Variants in ADRA1D observed in about 807,000 individuals in gnomAD.
ADRA1D encodes the protein alpha-1D adrenergic receptor.
In ADRA1D, 22 loss-of-function variants were observed where a neutral mutation model predicts 18.6. That is an observed-to-expected ratio of 1.19 (90% CI 0.85 to 1.69). ADRA1D has a LOEUF of 1.69. ADRA1D is among the 40% of genes most tolerant of loss of function. The pLI is 0.00. For synonymous variants in ADRA1D, 376 were observed against 388.2 expected (o/e 0.97, Z 0.37); for missense variants, 840 against 840.7 (o/e 1.00, Z 0.01).
Position 4,227,767 on chromosome 20 carries a change from CT to C in ADRA1D, c.1112-5638del, listed in dbSNP as rs1292722460. On this transcript the variant is annotated intron_variant, in intron 1 of 1. Transcript: ENST00000379453. ...CCTTCCTTCTTCTCTCTCTCTCTTT[CT>C]TCTCTTTCTTTCTTTTTTTTTGACA... Among the ~76,000 whole-genome samples the C allele has an allele frequency of 2.6e-3, 345 of 131,962 alleles. 5 individuals are homozygous for C. Among genetic ancestry groups the C allele is most frequent in the African/African-American group, 9.4e-3 (322 of 34,120 alleles). The allele number at this position is 131,962 out of a possible 152,430, so 86.6% of individuals were successfully genotyped here.
intron 1 of ADRA1D, among the ~76,000 whole-genome samples, chr20:4,228,203 T>A (rs1457319586): frequency 6.6e-6 from 1 of 152,154 alleles, no homozygotes; most frequent in Non-Finnish European, 1.5e-5. Context: ...TCCTTCTGGA[T>A]GTAGGGAGAC....
intron 1 of ADRA1D, among the ~76,000 whole-genome samples, chr20:4,244,797 C>T (rs1201379338): frequency 3.3e-5 from 5 of 152,260 alleles, no homozygotes; most frequent in African/African-American, 4.8e-5. Flanking sequence ...CCAAGCCATA[C>T]TGGGGCAGAT....
At chr20:4,237,911 A>C (rs1981133471) in intron 1 of ADRA1D, among the ~76,000 whole-genome samples, 1 of 148,734 alleles carries the variant, frequency 6.7e-6, no homozygotes. Context: ...CGAAATCCTG[A>C]CCCAAGCCAC....
rs1049284661 is a variant in ADRA1D, at chr20:4,249,070, G to C, written c.-113C>G. The C allele has an allele frequency of 2.2e-5, 19 of 847,168 alleles. No homozygotes were observed. The African/African-American group carries it at 3.5e-4, about 16-fold the overall frequency. 52.5% of individuals were successfully genotyped at this position (847,168 alleles called of 1,614,324 possible). On this transcript the variant is annotated 5_prime_UTR_variant, in exon 1 of 2. Coordinates refer to ENST00000379453, the MANE Select transcript of ADRA1D (RefSeq NM_000678.4). ...AGATGCAGCTCCGCGCACGGGTCCC[G>C]TCGGGGTCCTGCCCAAGTTCCTGTG...
At position 4,248,627 on chromosome 20, in the gene ADRA1D, C is replaced by G. The variant is rs377564644; in HGVS notation, c.331G>C (p.Val111Leu). The G allele has an allele frequency of 1.1e-5, 17 of 1,612,894 alleles. No individual in the cohort carries two copies. Among genetic ancestry groups the G allele is most frequent in the Non-Finnish European group, 1.4e-5 (17 of 1,179,790 alleles). ...AGGATGACAAGCAGGTTACCTGCCACGGCCATAAGGATGAAGGCTGCCAGG... is the reference window on the plus strand; with the variant it reads ...AGGATGACAAGCAGGTTACCTGCCAGGGCCATAAGGATGAAGGCTGCCAGG... ...VFLAAFILMA[V>L]AGNLLVILSV... The change falls in exon 1 of 2, where the codon GTG becomes CTG. Residue 111 changes from valine (V) to leucine (L), a missense_variant. By Grantham distance (32) the Val-to-Leu change is conservative. Coordinates refer to ENST00000379453, the MANE Select transcript of ADRA1D (RefSeq NM_000678.4).
rs764277427 is a variant in ADRA1D at position 4,222,046 on chromosome 20, G to C, written c.1196C>G (p.Pro399Arg). 1 of 1,611,970 alleles carries C rather than the reference G, an allele frequency of 6.2e-7. No homozygotes were observed. Among genetic ancestry groups the C allele is most frequent in the Non-Finnish European group, 8.5e-7 (1 of 1,179,208 alleles). Residue 399 changes from proline (P) to arginine (R), a missense_variant, in exon 2 of 2, where the codon CCG becomes CGG. Pro to Arg is a moderately radical substitution (Grantham distance 103, BLOSUM62 -2). Transcript: ENST00000379453. This position sits in a 1 kb window ranked among gnomAD's most constrained non-coding sequence, Gnocchi z 4.3. ...GCGGCTGGAACAGGGGTAGATGAGCGGGTTCACGCAGCTGTTGAAGTAGCC... is the reference window on the plus strand; with the variant it reads ...GCGGCTGGAACAGGGGTAGATGAGCCGGTTCACGCAGCTGTTGAAGTAGCC... ...WLGYFNSCVN[P>R]LIYPCSSREF...
At position 4,222,038 on chromosome 20, in the gene ADRA1D, AGATGAG is replaced by A; in HGVS notation, c.1198_1203del (p.Leu400_Ile401del). On this transcript the variant is annotated inframe_deletion, in exon 2 of 2. Transcript: ENST00000379453. The surrounding 1 kb of genome is among the most constrained non-coding windows in gnomAD (Gnocchi z 4.3). ...TTGAACTCGCGGCTGGAACAGGGGT[AGATGAG>A]CGGGTTCACGCAGCTGTTGAAGTAG... 1 of 1,611,582 alleles carries A rather than the reference AGATGAG, an allele frequency of 6.2e-7. No homozygotes were observed.
In ADRA1D at chr20:4,221,924, C is replaced by A; in HGVS notation, c.1318G>T (p.Ala440Ser). 1 of 1,530,918 alleles carries A rather than the reference C, an allele frequency of 6.5e-7. No individual in the cohort carries two copies. The highest frequency in any genetic ancestry group is 8.8e-7 in the Non-Finnish European group (1 of 1,140,202). 94.8% of individuals were successfully genotyped at this position (1,530,918 alleles called of 1,614,324 possible). A position where few individuals can be genotyped will look rare whatever the true frequency, so the allele number is the denominator to read the frequency against. ...TCCTGGCGCAGGCCGCTGGTGGAGG[C>A]CCGCCAGTGGTGGCCGTAGACACGC... ...LWRVYGHHWR[A>S]STSGLRQDCA... Residue 440 changes from alanine (A) to serine (S), a missense_variant, in exon 2 of 2, where the codon GCC becomes TCC. Ala to Ser is a moderately conservative substitution (Grantham distance 99). Transcript: ENST00000379453.
intron 1 of ADRA1D, among the ~76,000 whole-genome samples, chr20:4,243,216 T>C (rs1396895384): frequency 6.6e-6 from 1 of 152,134 alleles, no homozygotes; most frequent in Non-Finnish European, 1.5e-5. Context: ...TTTTCCAACC[T>C]ACCCAACTGT....
intron 1 of ADRA1D, among the ~76,000 whole-genome samples, chr20:4,224,744 C>T (rs1458413041): frequency 7.1e-6 from 1 of 141,828 alleles, no homozygotes; most frequent in Non-Finnish European, 1.5e-5. Flanking sequence ...ATTATGGGAC[C>T]TTCTCTCTCT....
chr20:4,224,479 G>A (rs771536629), intron 1 of ADRA1D, among the ~76,000 whole-genome samples: 1 of 152,154 alleles, frequency 6.6e-6, no homozygotes, highest in Non-Finnish European at 1.5e-5. Context: ...GCACAATCCA[G>A]GCAGCAGAGG....
rs953616634 is a variant in ADRA1D, at chr20:4,231,042, C to T, written c.1112-8912G>A. Among the ~76,000 whole-genome samples, 6 of 38,598 alleles carry T rather than the reference C, an allele frequency of 1.6e-4. No homozygotes were observed. In the African/African-American group the frequency reaches 1.7e-3, roughly 11 times the overall value. 25.3% of individuals were successfully genotyped at this position (38,598 alleles called of 152,430 possible). A position where few individuals can be genotyped will look rare whatever the true frequency, so the allele number is the denominator to read the frequency against. ...TTTCTCTTTCTCTTTCTTTCTTTTTCTTTCTTTCTTTCTTTCTTTCTTTCT... is the reference window on the plus strand; with the variant it reads ...TTTCTCTTTCTCTTTCTTTCTTTTTTTTTCTTTCTTTCTTTCTTTCTTTCT... On this transcript the variant is annotated intron_variant, in intron 1 of 1. Coordinates refer to ENST00000379453, the MANE Select transcript of ADRA1D (RefSeq NM_000678.4).
chr20:4,227,628 G>A (rs374459126), intron 1 of ADRA1D, among the ~76,000 whole-genome samples: 3 of 151,006 alleles, frequency 2.0e-5, no homozygotes, highest in East Asian at 3.9e-4. Context: ...GGCTACCATC[G>A]TTGTCTACCT....
At chr20:4,246,661 C>A (rs1313977746) in intron 1 of ADRA1D, among the ~76,000 whole-genome samples, 1 of 152,084 alleles carries the variant, frequency 6.6e-6, no homozygotes, top group Admixed American at 6.5e-5. Flanking sequence ...GCCTGTGGTC[C>A]CAGTGTAAAT....
rs1400796275 is a variant in ADRA1D, at chr20:4,248,859, GCCCGCGCTGCC to G, written c.88_98del (p.Gly30ArgfsTer81). On this transcript the variant is annotated frameshift_variant, in exon 1 of 2. Transcript: ENST00000379453. LOFTEE classifies it high-confidence loss of function. ...CCGGGCCCTCCGAGGGGGCCGCGCC[GCCCGCGCTGCC>G]CCCGCCGCCGCCCGCGCTGGAGCCC... is the stretch of plus-strand genomic sequence containing the variant. The G allele has an allele frequency of 3.4e-5, 35 of 1,035,570 alleles. No homozygotes were observed. Among genetic ancestry groups the G allele is most frequent in the Non-Finnish European group, 4.1e-5 (35 of 859,764 alleles). 64.1% of individuals were successfully genotyped at this position (1,035,570 alleles called of 1,614,324 possible).
chr20:4,231,174 T>A (rs997907859), intron 1 of ADRA1D, among the ~76,000 whole-genome samples: 2 of 151,296 alleles, frequency 1.3e-5, no homozygotes, highest in East Asian at 3.9e-4. Flanking sequence ...GGTGCAATCA[T>A]GGCTCACCGA....
chr20:4,237,882 A>C (rs1266679913), intron 1 of ADRA1D, among the ~76,000 whole-genome samples: 1 of 132,734 alleles, frequency 7.5e-6, no homozygotes, highest in Admixed American at 7.6e-5. Flanking sequence ...GGGTTTCACC[A>C]TGTTGGCTAG....
rs1478829680 is a variant in ADRA1D, at chr20:4,221,655, T to A, written c.1587A>T (p.Ala529=). 2.5e-6 allele frequency: 4 copies of A among 1,612,812 alleles called. No homozygotes were observed. The highest frequency in any genetic ancestry group is 3.4e-6 in the Non-Finnish European group (4 of 1,179,610). Residue 529 remains alanine (A), a synonymous_variant, in exon 2 of 2, where the codon GCA becomes GCT. Transcript: ENST00000379453. ...HKIRAGGAQR[A]EAACAQRSEV... is the part of the protein sequence containing the mutation. ...CTGAGCGCTGGGCGCACGCTGCCTC[T>A]GCGCGCTGCGCGCCCCCGGCGCGGA...
In ADRA1D at chr20:4,222,630, T is replaced by C. The variant is rs1368129230; in HGVS notation, c.1112-500A>G. Among the ~76,000 whole-genome samples the C allele has an allele frequency of 6.6e-6, 1 of 152,162 alleles. No homozygotes were observed. The highest frequency in any genetic ancestry group is 1.5e-5 in the Non-Finnish European group (1 of 68,026). ...TGTCTGAGTCACTGTTTTCCTGAAA[T>C]GATAAATGACCCTAGTCCTTGCCTC... On this transcript the variant is annotated intron_variant, in intron 1 of 1. Coordinates refer to ENST00000379453, the MANE Select transcript of ADRA1D (RefSeq NM_000678.4). The surrounding 1 kb of genome is among the most constrained non-coding windows in gnomAD (Gnocchi z 4.3).
Sources: allele counts gnomAD v4.1 joint callset (sites outside exome capture counted in the v4.1 genomes callset), GRCh38; gene constraint gnomAD v4.1.1; non-coding constraint Gnocchi (gnomAD v3.1); transcripts MANE v1.5; gene names NCBI Gene and HGNC (gene_info 2026-07-23, HGNC 2026-07-21).